The following OSBPL10 variants were observed in gnomAD, a reference collection of about 807,000 sequenced individuals.
OSBPL10 encodes oxysterol binding protein like 10, also known as oxysterol-binding protein-related protein 10.
A neutral mutation model predicts 81.7 loss-of-function variants in OSBPL10; 49 were observed. The observed-to-expected ratio is 0.60, with a 90% CI of 0.48 to 0.76. The LOEUF is 0.76. Ranked by LOEUF, OSBPL10 falls within the 30% of genes least tolerant of loss-of-function variation. OSBPL10 has a pLI of 0.00. For missense variants in OSBPL10, 923 were observed against 987.8 expected (o/e 0.93, Z 0.88); for synonymous variants, 419 against 383.6 (o/e 1.09, Z -1.08).
At chr3:31,777,285 T>C (rs529224700) in intron 4 of OSBPL10, among the ~76,000 whole-genome samples, 23 of 152,234 alleles carry the variant, frequency 1.5e-4, no homozygotes, top group Non-Finnish European at 2.9e-4. Flanking sequence ...TCTAATTTGT[T>C]GTTAAAACAT....
chr3:31,990,854 A>G, intron 2 of OSBPL10: 1 of 1,582,194 alleles, frequency 6.3e-7, no homozygotes, highest in African/African-American at 1.3e-5. Context: ...ATGGGAGAGA[A>G]ACATCACAAG....
In OSBPL10 at chr3:31,833,699, G is replaced by GCACACA. The variant is rs1270463379; in HGVS notation, c.538-3469_538-3468insTGTGTG. ...AAGATTGTAGGGAAAACACGCACAC[G>GCACACA]CACACGCACACACACACACACACAC... On this transcript the variant is annotated intron_variant, in intron 3 of 11. Transcript: ENST00000396556. Among the ~76,000 whole-genome samples the GCACACA allele has an allele frequency of 8.7e-4, 103 of 118,902 alleles. No individual in the cohort carries two copies. In the East Asian group the frequency reaches 0.018, roughly 21 times the overall value. 78.0% of individuals were successfully genotyped at this position (118,902 alleles called of 152,430 possible). A position where few individuals can be genotyped will look rare whatever the true frequency, so the allele number is the denominator to read the frequency against.
chr3:32,056,209 T>C (rs1291467101), intron 1 of OSBPL10, among the ~76,000 whole-genome samples: 1 of 152,164 alleles, frequency 6.6e-6, no homozygotes, highest in African/African-American at 2.4e-5. Flanking sequence ...TGTTTTTGAG[T>C]TTTTTTCTGC....
At chr3:31,783,243 AAGCAACT>A (rs1417394215) in intron 4 of OSBPL10, among the ~76,000 whole-genome samples, 5 of 151,434 alleles carry the variant, frequency 3.3e-5, no homozygotes, top group African/African-American at 7.3e-5. Context: ...ATTCTAAGTG[AAGCAACT>A]CAGGAATGGA....
At chr3:31,817,272 C>T (rs147445479) in intron 4 of OSBPL10, among the ~76,000 whole-genome samples, 1 of 152,322 alleles carries the variant, frequency 6.6e-6, no homozygotes, top group East Asian at 1.9e-4. Flanking sequence ...AGGACTCTCT[C>T]TCCTGCTGCC....
At chr3:31,724,406 C>T (rs1436952253) in intron 6 of OSBPL10, among the ~76,000 whole-genome samples, 5 of 152,052 alleles carry the variant, frequency 3.3e-5, no homozygotes, top group Admixed American at 2.0e-4. Flanking sequence ...GAAGGCAATA[C>T]TGTGAACACT....
At chr3:32,068,378 C>A (rs1327162958) in intron 1 of OSBPL10, among the ~76,000 whole-genome samples, 1 of 152,170 alleles carries the variant, frequency 6.6e-6, no homozygotes. Context: ...CCTGCTTTGG[C>A]TGCTCACCCA....
intron 3 of OSBPL10, among the ~76,000 whole-genome samples, chr3:31,847,152 T>A (rs1262445843): frequency 1.3e-5 from 2 of 150,966 alleles, no homozygotes; most frequent in Non-Finnish European, 2.9e-5. Flanking sequence ...TGGTTCCCCA[T>A]CTCAGCCTCC....
intron 1 of OSBPL10, among the ~76,000 whole-genome samples, chr3:32,047,091 T>A (rs1699628759): frequency 6.6e-6 from 1 of 151,992 alleles, no homozygotes; most frequent in Non-Finnish European, 1.5e-5. Flanking sequence ...CGTCTGCTAA[T>A]CTCTGCCTCC....
At chr3:31,940,949 C>A (rs895113909) in intron 1 of OSBPL10, among the ~76,000 whole-genome samples, 2 of 152,102 alleles carry the variant, frequency 1.3e-5, no homozygotes, top group Non-Finnish European at 2.9e-5. Flanking sequence ...ACTCTCTCAT[C>A]TTAAAAAAGG....
intron 3 of OSBPL10, among the ~76,000 whole-genome samples, chr3:31,876,094 C>T (rs935901982): frequency 3.9e-5 from 6 of 152,026 alleles, no homozygotes; most frequent in African/African-American, 1.2e-4. Context: ...ACTAGATTTA[C>T]GAACTGTAAA....
At chr3:31,878,067 G>A (rs1575595807) in intron 2 of OSBPL10, among the ~76,000 whole-genome samples, 1 of 152,048 alleles carries the variant, frequency 6.6e-6, no homozygotes, top group Admixed American at 6.6e-5. Context: ...AATTTATCCT[G>A]ACTTTTTTTT....
intron 6 of OSBPL10, among the ~76,000 whole-genome samples, chr3:31,723,321 G>T (rs1430302543): frequency 6.6e-6 from 1 of 152,198 alleles, no homozygotes; most frequent in Admixed American, 6.5e-5. Flanking sequence ...GGCACCTCAT[G>T]GAGTCCACGG....
intron 7 of OSBPL10, among the ~76,000 whole-genome samples, chr3:31,700,066 A>G (rs1360764285): frequency 6.6e-6 from 1 of 152,180 alleles, no homozygotes; most frequent in Non-Finnish European, 1.5e-5. Flanking sequence ...GGATAGTAAC[A>G]GTTCTACCTC....
chr3:31,741,212 C>T (rs915957163), intron 5 of OSBPL10, among the ~76,000 whole-genome samples: 1 of 152,198 alleles, frequency 6.6e-6, no homozygotes, highest in Admixed American at 6.5e-5. Flanking sequence ...TCACTTGAAA[C>T]CATTTAAGAC....
intron 2 of OSBPL10, among the ~76,000 whole-genome samples, chr3:32,035,989 T>C (rs1358648234): frequency 1.3e-5 from 2 of 152,198 alleles, no homozygotes; most frequent in African/African-American, 4.8e-5. Flanking sequence ...ACCACTGTCA[T>C]ACTTTCTGTC....
At chr3:31,755,379 C>G (rs890053664) in intron 4 of OSBPL10, among the ~76,000 whole-genome samples, 4 of 152,220 alleles carry the variant, frequency 2.6e-5, no homozygotes, top group African/African-American at 9.6e-5. Context: ...ATAAGCAGAT[C>G]TAACTGGCCG....
chr3:31,803,967 CTG>C lies in OSBPL10; in HGVS notation c.729+26071_729+26072del, dbSNP rs1189522260. 2.0e-5 allele frequency among the ~76,000 whole-genome samples: 3 copies of C among 152,178 alleles called. No homozygotes were observed. The South Asian group carries it at 6.2e-4, about 32-fold the overall frequency. On this transcript the variant is annotated intron_variant, in intron 4 of 11. Coordinates refer to ENST00000396556, the MANE Select transcript of OSBPL10 (RefSeq NM_017784.5). ...ACTAGTTTTCTCCTCTGTAAAATAACTGTTTTCTCTTTGTAAAAAAATAAGTA... is the reference window on the plus strand; with the variant it reads ...ACTAGTTTTCTCCTCTGTAAAATAACTTTTCTCTTTGTAAAAAAATAAGTA...
intron 4 of OSBPL10, among the ~76,000 whole-genome samples, chr3:31,806,453 T>C (rs887422068): frequency 2.6e-5 from 4 of 152,248 alleles, no homozygotes; most frequent in African/African-American, 9.6e-5. Context: ...GTCTTGCACT[T>C]ACTTACCTTC....
Sources: allele counts gnomAD v4.1 joint callset (sites outside exome capture counted in the v4.1 genomes callset), GRCh38; gene constraint gnomAD v4.1.1; transcripts MANE v1.5; gene names NCBI Gene and HGNC (gene_info 2026-07-23, HGNC 2026-07-21).